The following RPS6KC1 variants were observed in gnomAD, a reference collection of about 807,000 sequenced individuals.
RPS6KC1 encodes the protein ribosomal protein S6 kinase C1, also known as inactive ribosomal protein S6 kinase delta-1.
Under a neutral mutation model 103.8 loss-of-function variants are expected in RPS6KC1, and 54 were observed. That is an observed-to-expected ratio of 0.52 (90% CI 0.42 to 0.65). The LOEUF (loss-of-function observed/expected upper bound fraction) is 0.65. RPS6KC1 is among the 30% of genes least tolerant of loss of function. The pLI is 0.00. For missense variants in RPS6KC1, 1,151 were observed against 1,253.8 expected, an observed-to-expected ratio of 0.92 and a Z score of 1.24; for synonymous variants, 439 against 438.7, an observed-to-expected ratio of 1.00 and a Z score of -0.01.
At chr1:213,074,843 ATTTTTTTTTTTTT>A (rs752747801) in intron 2 of RPS6KC1, among the ~76,000 whole-genome samples, 2,073 of 71,390 alleles carry the variant, frequency 0.029, 63 homozygotes, top group Non-Finnish European at 0.037. Flanking sequence ...ACTAGAATAA[ATTTTTTTTTTTTT>A]TTTTTTTTTT....
the RPS6KC1 span, among the ~76,000 whole-genome samples, chr1:213,615,790 G>C: frequency 6.6e-6 from 1 of 152,224 alleles, no homozygotes; most frequent in East Asian, 1.9e-4. Context: ...AGTCCAGGGG[G>C]AGGCATCCAG....
At chr1:213,298,502 A>C in the RPS6KC1 span, among the ~76,000 whole-genome samples, 1 of 152,094 alleles carries the variant, frequency 6.6e-6, no homozygotes, top group Non-Finnish European at 1.5e-5. Context: ...TCTTCAGCCT[A>C]GATACTGTTT....
At chr1:213,824,024 A>G in the RPS6KC1 span, among the ~76,000 whole-genome samples, 1 of 152,286 alleles carries the variant, frequency 6.6e-6, no homozygotes, top group South Asian at 2.1e-4. Flanking sequence ...GTCTCTAGCG[A>G]TGCTATCCAT....
the RPS6KC1 span, among the ~76,000 whole-genome samples, chr1:213,400,212 G>A: frequency 6.6e-6 from 1 of 152,106 alleles, no homozygotes; most frequent in Non-Finnish European, 1.5e-5. Flanking sequence ...GGAAGGAAGG[G>A]AGAGCAGGAA....
intron 4 of RPS6KC1, among the ~76,000 whole-genome samples, chr1:213,113,057 T>C (rs1272807414): frequency 1.3e-5 from 2 of 152,242 alleles, no homozygotes; most frequent in Non-Finnish European, 1.5e-5. Context: ...GCATGATTTA[T>C]AGTCCTTTGG....
chr1:213,690,264 G>T, the RPS6KC1 span, among the ~76,000 whole-genome samples: 1 of 152,174 alleles, frequency 6.6e-6, no homozygotes, highest in Non-Finnish European at 1.5e-5. Context: ...GCTCAAGAAA[G>T]ATATTCTCTA....
At chr1:213,547,069 C>T in the RPS6KC1 span, among the ~76,000 whole-genome samples, 8 of 152,008 alleles carry the variant, frequency 5.3e-5, no homozygotes, top group Admixed American at 5.2e-4. Flanking sequence ...GTAGTATGTT[C>T]CTCTATTAGA....
the RPS6KC1 span, among the ~76,000 whole-genome samples, chr1:213,428,203 T>C: frequency 6.6e-6 from 1 of 152,074 alleles, no homozygotes; most frequent in African/African-American, 2.4e-5. Context: ...TATGAGAGAG[T>C]CTGGGACCTG....
intron 3 of RPS6KC1, among the ~76,000 whole-genome samples, chr1:213,102,608 C>T (rs528150311): frequency 6.6e-6 from 1 of 152,056 alleles, no homozygotes; most frequent in East Asian, 1.9e-4. Context: ...CTGTCATGTA[C>T]CCATTTGAAT....
the RPS6KC1 span, among the ~76,000 whole-genome samples, chr1:213,567,410 C>G: frequency 1.3e-5 from 2 of 152,218 alleles, no homozygotes; most frequent in Non-Finnish European, 2.9e-5. Flanking sequence ...GACACTTACA[C>G]TTAAGTCCTT....
At chr1:213,076,128 G>T (rs901419828) in intron 2 of RPS6KC1, among the ~76,000 whole-genome samples, 1 of 152,186 alleles carries the variant, frequency 6.6e-6, no homozygotes, top group Non-Finnish European at 1.5e-5. Context: ...GGAAAGTAGG[G>T]CCATAGAAAT....
At chr1:213,574,560 A>G in the RPS6KC1 span, among the ~76,000 whole-genome samples, 2 of 152,218 alleles carry the variant, frequency 1.3e-5, no homozygotes, top group African/African-American at 4.8e-5. Context: ...ATAAGGAAGA[A>G]AAAACAACAG....
chr1:213,786,177 G>A, the RPS6KC1 span, among the ~76,000 whole-genome samples: 2 of 152,194 alleles, frequency 1.3e-5, no homozygotes, highest in Non-Finnish European at 2.9e-5. Flanking sequence ...AGATCCAGCA[G>A]GAAGTTGGCG....
the RPS6KC1 span, among the ~76,000 whole-genome samples, chr1:213,845,818 C>A: frequency 6.6e-6 from 1 of 152,028 alleles, no homozygotes; most frequent in Non-Finnish European, 1.5e-5. Context: ...AATAATAATA[C>A]CTGCCTCATA....
At chr1:213,055,162 T>C (rs2077233246) in intron 1 of RPS6KC1, among the ~76,000 whole-genome samples, 1 of 152,226 alleles carries the variant, frequency 6.6e-6, no homozygotes, top group African/African-American at 2.4e-5. Context: ...TACAGTTGTG[T>C]AACTACCCAT....
chr1:213,078,732 C>T (rs977124347), intron 3 of RPS6KC1, among the ~76,000 whole-genome samples: 3 of 152,162 alleles, frequency 2.0e-5, no homozygotes, highest in African/African-American at 7.2e-5. Context: ...CTTTTTGCAA[C>T]CAATTTCTGC....
chr1:213,222,342 A>G (rs898320152), intron 8 of RPS6KC1, among the ~76,000 whole-genome samples: 5 of 152,206 alleles, frequency 3.3e-5, no homozygotes, highest in African/African-American at 1.2e-4. Context: ...AATATCTTGT[A>G]GACTAGAGTT....
At chr1:213,791,428 A>C in the RPS6KC1 span, among the ~76,000 whole-genome samples, 1 of 152,182 alleles carries the variant, frequency 6.6e-6, no homozygotes, top group East Asian at 1.9e-4. Context: ...TAAATCTAAC[A>C]AACATATGCA....
the RPS6KC1 span, among the ~76,000 whole-genome samples, chr1:213,592,727 A>T: frequency 6.6e-6 from 1 of 152,294 alleles, no homozygotes; most frequent in Middle Eastern, 3.4e-3. Context: ...ATGGATTTTA[A>T]ATATTAATTA....
Sources: allele counts gnomAD v4.1 joint callset (sites outside exome capture counted in the v4.1 genomes callset), GRCh38; gene constraint gnomAD v4.1.1; transcripts MANE v1.5; gene names NCBI Gene and HGNC (gene_info 2026-07-23, HGNC 2026-07-21).